The following YWHAG variants were observed in gnomAD, a reference collection of about 807,000 sequenced individuals.
YWHAG encodes tyrosine 3-monooxygenase/tryptophan 5-monooxygenase activation protein gamma.
In YWHAG, 1 loss-of-function variant was observed where a neutral mutation model predicts 23.3. The ratio of observed to expected loss-of-function variants is 0.04; its 90% confidence interval spans 0.02 to 0.20. The LOEUF (loss-of-function observed/expected upper bound fraction) is 0.20, where lower values mean the gene tolerates loss of function less well. Ranked by LOEUF, YWHAG falls within the 10% of genes least tolerant of loss-of-function variation. The pLI is 1.00. For synonymous variants in YWHAG, 160 were observed against 144.0 expected, an observed-to-expected ratio of 1.11 and a Z score of -0.80; for missense variants, 151 against 338.6, an observed-to-expected ratio of 0.45 and a Z score of 4.35.
At chr7:76,354,371 C>T (rs1442273165) in intron 1 of YWHAG, among the ~76,000 whole-genome samples, 1 of 151,694 alleles carries the variant, frequency 6.6e-6, no homozygotes. Flanking sequence ...ATTCACTGGG[C>T]GTGGTGGTGG....
Position 76,358,844 on chromosome 7 carries a change from G to A in YWHAG, c.-36C>T. On this transcript the variant is annotated 5_prime_UTR_variant, in exon 1 of 2. Coordinates refer to ENST00000307630, the MANE Select transcript of YWHAG (RefSeq NM_012479.4). ...CTGGGTCTGGCCGGAGAAGGAGGAG[G>A]ACACTGGGGCGGCCTGAAGGGCTTG... 1 of 1,570,802 alleles carries A rather than the reference G, an allele frequency of 6.4e-7. No homozygotes were observed. Among genetic ancestry groups the A allele is most frequent in the South Asian group, 1.2e-5 (1 of 86,264 alleles).
intron 1 of YWHAG, among the ~76,000 whole-genome samples, chr7:76,357,652 CAAAA>C (rs1026069731): frequency 4.0e-5 from 6 of 151,460 alleles, no homozygotes; most frequent in Non-Finnish European, 8.8e-5. Context: ...CTCGCTTAAA[CAAAA>C]AAAAGCCTCA....
chr7:76,346,875 C>T (rs914317459), intron 1 of YWHAG, among the ~76,000 whole-genome samples: 4 of 152,188 alleles, frequency 2.6e-5, no homozygotes, highest in African/African-American at 9.6e-5. Context: ...CTGTTAACCT[C>T]TTTCAACTCA....
chr7:76,336,005 C>T (rs1803610553), intron 1 of YWHAG, among the ~76,000 whole-genome samples: 1 of 152,180 alleles, frequency 6.6e-6, no homozygotes, highest in African/African-American at 2.4e-5. Context: ...TTTTAATCTT[C>T]TTAAATAACT....
intron 1 of YWHAG, among the ~76,000 whole-genome samples, chr7:76,335,370 G>C (rs1373857561): frequency 6.6e-6 from 1 of 152,150 alleles, no homozygotes; most frequent in Non-Finnish European, 1.5e-5. Context: ...ATTTCTTTTG[G>C]TGACTTAAAA....
intron 1 of YWHAG, among the ~76,000 whole-genome samples, chr7:76,355,015 C>G (rs1563668991): frequency 6.6e-6 from 1 of 152,186 alleles, no homozygotes; most frequent in Non-Finnish European, 1.5e-5. Context: ...TGGCTGTGAG[C>G]TGTTGTGGGC....
At chr7:76,349,178 T>TA (rs1321925254) in intron 1 of YWHAG, among the ~76,000 whole-genome samples, 16 of 151,480 alleles carry the variant, frequency 1.1e-4, no homozygotes, top group Non-Finnish European at 2.9e-5. Flanking sequence ...TCATCTCTAC[T>TA]AAAAATACAA....
Position 76,329,454 on chromosome 7 carries a change from C to A in YWHAG, c.*123G>T, listed in dbSNP as rs1803507154. Reference sequence around the variant, plus strand: ...AGAGGCGATCAAAGACAGGACAGGTCGTGGGTTTCTCCCTGGGAAGGTCAT... The same window carrying A: ...AGAGGCGATCAAAGACAGGACAGGTAGTGGGTTTCTCCCTGGGAAGGTCAT... On this transcript the variant is annotated 3_prime_UTR_variant, in exon 2 of 2. Transcript: ENST00000307630. The surrounding 1 kb of genome is among the most constrained non-coding windows in gnomAD (Gnocchi z 6.1). The A allele has an allele frequency of 7.3e-6, 9 of 1,239,288 alleles. No individual in the cohort carries two copies. The highest frequency in any genetic ancestry group is 9.8e-6 in the Non-Finnish European group (9 of 916,530). 76.8% of individuals were successfully genotyped at this position (1,239,288 alleles called of 1,614,324 possible).
intron 1 of YWHAG, among the ~76,000 whole-genome samples, chr7:76,358,437 G>A (rs1399804670): frequency 1.3e-5 from 2 of 152,074 alleles, no homozygotes; most frequent in East Asian, 3.9e-4. Flanking sequence ...AGCCGCGGGG[G>A]CCGGAGACCC....
chr7:76,358,515 C>T (rs1330216803), intron 1 of YWHAG, among the ~76,000 whole-genome samples: 1 of 152,146 alleles, frequency 6.6e-6, no homozygotes, highest in African/African-American at 2.4e-5. Flanking sequence ...AATGGCAGCG[C>T]CGCGGGGCCA....
chr7:76,347,496 G>A (rs1269768488), intron 1 of YWHAG, among the ~76,000 whole-genome samples: 1 of 152,104 alleles, frequency 6.6e-6, no homozygotes, highest in Non-Finnish European at 1.5e-5. Context: ...TGCAGCAGGA[G>A]AATCGCTTGA....
chr7:76,358,725 C>T lies in YWHAG; in HGVS notation c.84G>A (p.Lys28=), dbSNP rs1804003600. 8.8e-6 allele frequency: 14 copies of T among 1,591,278 alleles called. No individual in the cohort carries two copies. The highest frequency in any genetic ancestry group is 1.1e-5 in the Non-Finnish European group (13 of 1,170,254). ...ERYDDMAAAM[K]NVTELNEPLS... is the part of the protein sequence containing the mutation. ...GGGGAGGGGAGGAGACACTCACGTT[C>T]TTCATGGCCGCGGCCATGTCGTCGT... The change falls in exon 1 of 2, where the codon AAG becomes AAA. Residue 28 remains lysine (K), a synonymous_variant. Coordinates refer to ENST00000307630, the MANE Select transcript of YWHAG (RefSeq NM_012479.4).
At chr7:76,355,090 T>G (rs1803932931) in intron 1 of YWHAG, among the ~76,000 whole-genome samples, 1 of 152,234 alleles carries the variant, frequency 6.6e-6, no homozygotes, top group African/African-American at 2.4e-5. Context: ...CAGACCGGCA[T>G]CACTTTTTAA....
chr7:76,348,478 G>T (rs922837591), intron 1 of YWHAG, among the ~76,000 whole-genome samples: 1 of 148,010 alleles, frequency 6.8e-6, no homozygotes, highest in African/African-American at 2.5e-5. Flanking sequence ...CTGGAGTGCA[G>T]TGCAAGCTGC....
chr7:76,358,376 G>A (rs1014454996), intron 1 of YWHAG, among the ~76,000 whole-genome samples: 1 of 152,156 alleles, frequency 6.6e-6, no homozygotes, highest in African/African-American at 2.4e-5. Context: ...GGGGGGAAGT[G>A]GGGCACAAAG....
intron 1 of YWHAG, among the ~76,000 whole-genome samples, chr7:76,345,180 T>C (rs1009643522): frequency 8.8e-5 from 13 of 147,940 alleles, no homozygotes; most frequent in Non-Finnish European, 1.3e-4. Context: ...AAGCCTATCC[T>C]AAGGCTTTTT....
At chr7:76,341,212 G>A (rs1040335748) in intron 1 of YWHAG, among the ~76,000 whole-genome samples, 2 of 152,012 alleles carry the variant, frequency 1.3e-5, no homozygotes, top group Non-Finnish European at 2.9e-5. Flanking sequence ...GGGCAACATG[G>A]TGAAACCCCA....
At chr7:76,350,218 C>T (rs1238847554) in intron 1 of YWHAG, among the ~76,000 whole-genome samples, 1 of 152,216 alleles carries the variant, frequency 6.6e-6, no homozygotes, top group Non-Finnish European at 1.5e-5. Context: ...CTCAAATAAG[C>T]TGGCATCGAG....
In YWHAG at chr7:76,326,843, T is replaced by C. The variant is rs1220145301; in HGVS notation, c.*2734A>G. On this transcript the variant is annotated 3_prime_UTR_variant, in exon 2 of 2. Coordinates refer to ENST00000307630, the MANE Select transcript of YWHAG (RefSeq NM_012479.4). ...TGCTCAATGTACGACAGCTACATAA[T>C]GACTCACATTCATGATATTCCATCA... The C allele has an allele frequency of 6.5e-6, 1 of 152,672 alleles. No individual in the cohort carries two copies. The highest frequency in any genetic ancestry group is 2.4e-5 in the African/African-American group (1 of 41,466). 9.5% of individuals were successfully genotyped at this position (152,672 alleles called of 1,614,324 possible). A position where few individuals can be genotyped will look rare whatever the true frequency, so the allele number is the denominator to read the frequency against.
Sources: gnomAD v4.1 joint callset for allele counts (sites outside exome capture counted in the v4.1 genomes callset) on GRCh38, gnomAD v4.1.1 for gene constraint, Gnocchi (gnomAD v3.1) non-coding constraint, MANE v1.5 for transcripts, NCBI Gene and HGNC (gene_info 2026-07-23, HGNC 2026-07-21) for gene names.